Variants in PTPN3 observed in about 807,000 individuals in gnomAD.
PTPN3 encodes the protein protein tyrosine phosphatase non-receptor type 3.
In PTPN3, 96 loss-of-function variants were observed where a neutral mutation model predicts 132.7. That is an observed-to-expected ratio of 0.72 (90% CI 0.61 to 0.86). The LOEUF is 0.86. PTPN3 is among the 40% of genes least tolerant of loss of function. The probability of loss-of-function intolerance (pLI) is 0.00; values close to 1 mark genes in which losing one functional copy is unlikely to be tolerated. For missense variants in PTPN3, 1,125 were observed against 1,159.6 expected (o/e 0.97, Z 0.43); for synonymous variants, 398 against 429.0 (o/e 0.93, Z 0.89).
chr9:109,504,250 G>T, the PTPN3 span, among the ~76,000 whole-genome samples: 1 of 152,150 alleles, frequency 6.6e-6, no homozygotes. Context: ...AAAGCTGCAG[G>T]AGATGGAGTC....
chr9:109,517,669 A>C, the PTPN3 span, among the ~76,000 whole-genome samples: 1 of 152,190 alleles, frequency 6.6e-6, no homozygotes, highest in African/African-American at 2.4e-5. Context: ...AGCTCCTGAA[A>C]TAGTTCTGAT....
At chr9:109,478,903 T>C (rs1461313815) in intron 1 of PTPN3, among the ~76,000 whole-genome samples, 1 of 152,172 alleles carries the variant, frequency 6.6e-6, no homozygotes, top group African/African-American at 2.4e-5. Flanking sequence ...CAGGGCAGAA[T>C]CCAAACCGGT....
chr9:109,499,814 A>G (rs1255787461), upstream of PTPN3, among the ~76,000 whole-genome samples: 1 of 152,052 alleles, frequency 6.6e-6, no homozygotes, highest in African/African-American at 2.4e-5. Context: ...GGGATTTCCG[A>G]CGGAGCCCGG....
chr9:109,475,310 C>T (rs1364293565), intron 1 of PTPN3, among the ~76,000 whole-genome samples: 1 of 152,210 alleles, frequency 6.6e-6, no homozygotes, highest in Non-Finnish European at 1.5e-5. Flanking sequence ...TTGTTCAAAA[C>T]TGAATTTCCT....
At chr9:109,404,267 A>G (rs1841378025) in intron 19 of PTPN3, among the ~76,000 whole-genome samples, 181 bp downstream of exon 19, 1 of 152,216 alleles carries the variant, frequency 6.6e-6, no homozygotes, top group African/African-American at 2.4e-5. Context: ...CACGACAAGC[A>G]CAGGCCTCGC....
At chr9:109,536,887 A>T in the PTPN3 span, among the ~76,000 whole-genome samples, 1 of 152,158 alleles carries the variant, frequency 6.6e-6, no homozygotes, top group Non-Finnish European at 1.5e-5. Flanking sequence ...GTGATATTCA[A>T]TTTTTTTGTT....
chr9:109,459,593 C>CT (rs1845736513), intron 2 of PTPN3, among the ~76,000 whole-genome samples: 2 of 152,240 alleles, frequency 1.3e-5, no homozygotes, highest in African/African-American at 4.8e-5. Context: ...GCTCCACTGC[C>CT]CCTGCTGGAG....
intron 19 of PTPN3, chr9:109,397,495 T>C (rs968192019): frequency 4.6e-5 from 7 of 152,362 alleles, no homozygotes; most frequent in Admixed American, 2.6e-4. Flanking sequence ...GAGGTTGTTT[T>C]AGTACCACTT....
Position 109,390,851 on chromosome 9 carries a change from C to A in PTPN3, c.2106+287G>T, listed in dbSNP as rs367623927. On this transcript the variant is annotated intron_variant, in intron 21 of 25. Coordinates refer to ENST00000374541, the MANE Select transcript of PTPN3 (RefSeq NM_002829.4). The stretch of plus-strand genomic sequence containing the variant: ...GCAAAAACAAACACCTGAATGGAAG[C>A]CACTCAGTACAGGGGCATGTGGACG... 9.2e-5 allele frequency among the ~76,000 whole-genome samples: 14 copies of A among 152,188 alleles called. No individual in the cohort carries two copies. The East Asian group carries it at 2.3e-3, about 25-fold the overall frequency.
chr9:109,408,437 C>CAAACAAAA lies in PTPN3; in HGVS notation c.1579-61_1579-60insTTTTGTTT, dbSNP rs1193481579. 3 of 1,380,386 alleles carry CAAACAAAA rather than the reference C, an allele frequency of 2.2e-6. No individual in the cohort carries two copies. The African/African-American group carries it at 4.4e-5, about 20-fold the overall frequency. The allele number at this position is 1,380,386 out of a possible 1,614,324, so 85.5% of individuals were successfully genotyped here. On this transcript the variant is annotated intron_variant, in intron 16 of 25. Coordinates refer to ENST00000374541, the MANE Select transcript of PTPN3 (RefSeq NM_002829.4). Reference sequence around the variant, plus strand: ...TTTTTAAGTTAAACAAACAAACAAACAAAAAAACGAGTAGCTCACAGCATC... The same window carrying CAAACAAAA: ...TTTTTAAGTTAAACAAACAAACAAACAAACAAAAAAAAAAACGAGTAGCTCACAGCATC...
At chr9:109,451,696 C>T (rs1336034101) in intron 5 of PTPN3, among the ~76,000 whole-genome samples, 1 of 152,224 alleles carries the variant, frequency 6.6e-6, no homozygotes, top group Non-Finnish European at 1.5e-5. Flanking sequence ...AAGTGGGCTT[C>T]TCTTCCACAG....
In PTPN3 at chr9:109,402,981, G is replaced by A. The variant is rs1841271982; in HGVS notation, c.1953+1467C>T. On this transcript the variant is annotated intron_variant, in intron 19 of 25. Coordinates refer to ENST00000374541, the MANE Select transcript of PTPN3 (RefSeq NM_002829.4). Reference sequence around the variant, plus strand: ...TAGTCCCAGCTACTCAGGAGGCTGAGGTGGGAGGATCACTTGAGCTTGAGA... The same window carrying A: ...TAGTCCCAGCTACTCAGGAGGCTGAAGTGGGAGGATCACTTGAGCTTGAGA... 2.0e-5 allele frequency among the ~76,000 whole-genome samples: 3 copies of A among 152,160 alleles called. No homozygotes were observed. In the South Asian group the frequency reaches 6.2e-4, roughly 32 times the overall value.
Position 109,468,736 on chromosome 9 carries a change from A to G in PTPN3, c.-17-5285T>C, listed in dbSNP as rs568593197. Among the ~76,000 whole-genome samples, 6 of 152,372 alleles carry G rather than the reference A, an allele frequency of 3.9e-5. No homozygotes were observed. In the East Asian group the frequency reaches 1.2e-3, roughly 29 times the overall value. On this transcript the variant is annotated intron_variant, in intron 1 of 25. Transcript: ENST00000374541. Reference sequence around the variant, plus strand: ...AGAGGCAACACCTCACTTTGTAAACAGTAGGGGCACAATAAAGACCATGAG... The same window carrying G: ...AGAGGCAACACCTCACTTTGTAAACGGTAGGGGCACAATAAAGACCATGAG...
chr9:109,534,164 C>G, the PTPN3 span: 1 of 884,634 alleles, frequency 1.1e-6, no homozygotes, highest in Middle Eastern at 2.3e-4. Flanking sequence ...ACCTTCGTTG[C>G]GATGACCTTC....
chr9:109,527,346 G>A, the PTPN3 span, among the ~76,000 whole-genome samples: 98 of 152,216 alleles, frequency 6.4e-4, no homozygotes, highest in African/African-American at 2.2e-3. Flanking sequence ...CTGTAATCCC[G>A]GCTACTTGGG....
chr9:109,430,975 C>A (rs1208670824), intron 10 of PTPN3, among the ~76,000 whole-genome samples: 10 of 152,240 alleles, frequency 6.6e-5, no homozygotes, highest in Non-Finnish European at 2.9e-5. Flanking sequence ...GAGTGCCTTA[C>A]CCTGCATGCT....
At chr9:109,409,503 G>A (rs1235598317) in intron 16 of PTPN3, among the ~76,000 whole-genome samples, 1 of 152,030 alleles carries the variant, frequency 6.6e-6, no homozygotes, top group African/African-American at 2.4e-5. Flanking sequence ...CTTGGCCTTC[G>A]GCAGCTGTTA....
At chr9:109,455,220 C>G (rs1845501160) in intron 4 of PTPN3, among the ~76,000 whole-genome samples, 2 of 152,218 alleles carry the variant, frequency 1.3e-5, no homozygotes, top group African/African-American at 4.8e-5. Context: ...TGAACATATT[C>G]AAATACGGCT....
At chr9:109,419,872 G>A (rs184540735) in intron 14 of PTPN3, among the ~76,000 whole-genome samples, 53 of 152,276 alleles carry the variant, frequency 3.5e-4, no homozygotes, top group African/African-American at 1.1e-3. Flanking sequence ...AAAGCGGGGT[G>A]GGGGAGGTAG....
Sources: allele counts gnomAD v4.1 joint callset (sites outside exome capture counted in the v4.1 genomes callset), GRCh38; gene constraint gnomAD v4.1.1; transcripts MANE v1.5; gene names NCBI Gene and HGNC (gene_info 2026-07-23, HGNC 2026-07-21).